DLGAP2: variants seen among roughly 807,000 people sequenced by gnomAD.
DLGAP2 encodes disks large-associated protein 2.
A neutral mutation model predicts 100.3 loss-of-function variants in DLGAP2; 26 were observed. The observed-to-expected ratio is 0.26, with a 90% confidence interval of 0.19 to 0.36. DLGAP2 has a LOEUF of 0.36. Among genes scored for constraint, DLGAP2 ranks in the 10% least tolerant of loss-of-function variants. DLGAP2 has a pLI of 1.00. For synonymous variants in DLGAP2, 886 were observed against 630.1 expected, an observed-to-expected ratio of 1.41 and a Z score of -6.08; for missense variants, 1,858 against 1,453.2, an observed-to-expected ratio of 1.28 and a Z score of -4.53.
chr8:889,022 G>C (rs575207220), intron 1 of DLGAP2, among the ~76,000 whole-genome samples: 2 of 152,264 alleles, frequency 1.3e-5, no homozygotes, highest in African/African-American at 4.8e-5. Flanking sequence ...GGATTTGGGT[G>C]GATAAAGGAA....
chr8:1,290,307 T>C (rs1563063880), intron 3 of DLGAP2, among the ~76,000 whole-genome samples: 1 of 152,026 alleles, frequency 6.6e-6, no homozygotes, highest in Non-Finnish European at 1.5e-5. Flanking sequence ...TTCCATCGAG[T>C]TGTCATTTAC....
At chr8:1,339,719 C>G (rs773455280) in intron 3 of DLGAP2, among the ~76,000 whole-genome samples, 1 of 152,188 alleles carries the variant, frequency 6.6e-6, no homozygotes. Flanking sequence ...AAGTCTCACC[C>G]GGGCGCATCA....
chr8:1,110,810 T>G (rs1022990763), intron 2 of DLGAP2, among the ~76,000 whole-genome samples: 6 of 151,500 alleles, frequency 4.0e-5, no homozygotes, highest in South Asian at 2.1e-4. Flanking sequence ...GCTTTCTATA[T>G]TCACCCTGCA....
intron 6 of DLGAP2, among the ~76,000 whole-genome samples, chr8:1,590,944 A>G (rs945172486): frequency 7.9e-5 from 12 of 152,216 alleles, no homozygotes; most frequent in African/African-American, 2.4e-4. Context: ...GCCATCTTCA[A>G]TGGTGTTGGA....
At chr8:948,778 C>T (rs1260060528) in intron 2 of DLGAP2, among the ~76,000 whole-genome samples, 1 of 152,268 alleles carries the variant, frequency 6.6e-6, no homozygotes, top group Non-Finnish European at 1.5e-5. Context: ...GGGAGCCAGC[C>T]TTGTCAGACA....
chr8:1,294,990 G>A lies in DLGAP2; in HGVS notation c.106+36107G>A, dbSNP rs886675567. Among the ~76,000 whole-genome samples, 33 of 152,004 alleles carry A rather than the reference G, an allele frequency of 2.2e-4. 1 individual carries two copies. The highest frequency in any genetic ancestry group is 5.9e-5 in the Non-Finnish European group (4 of 67,984). ...TACAAGATATTTAAACTTCACTTGA[G>A]GAAAAAAGGAGCCATATAATCATTG... On this transcript the variant is annotated intron_variant, in intron 3 of 14. Transcript: ENST00000637795.
chr8:1,205,628 C>G (rs908398972), intron 2 of DLGAP2, among the ~76,000 whole-genome samples: 8 of 152,174 alleles, frequency 5.3e-5, no homozygotes, highest in Non-Finnish European at 1.2e-4. Context: ...GTGAACCAGC[C>G]TCTGCTCAGC....
At chr8:1,589,994 T>C (rs1796242889) in intron 6 of DLGAP2, among the ~76,000 whole-genome samples, 1 of 152,132 alleles carries the variant, frequency 6.6e-6, no homozygotes, top group Admixed American at 6.5e-5. Flanking sequence ...GCCAGAAGTC[T>C]GAAATCAAGG....
intron 3 of DLGAP2, among the ~76,000 whole-genome samples, chr8:1,477,398 C>T (rs1429569387): frequency 6.6e-6 from 1 of 152,300 alleles, no homozygotes; most frequent in South Asian, 2.1e-4. Flanking sequence ...CTGAAACCAG[C>T]CTCTCTCCCC....
intron 3 of DLGAP2, among the ~76,000 whole-genome samples, chr8:1,381,681 T>G (rs922682014): frequency 1.1e-4 from 16 of 152,166 alleles, no homozygotes; most frequent in Non-Finnish European, 2.9e-5. Flanking sequence ...GTGTTTGCCT[T>G]TCTGTGCCTG....
chr8:1,571,615 G>C (rs1329376497), intron 6 of DLGAP2, among the ~76,000 whole-genome samples: 2 of 137,556 alleles, frequency 1.5e-5, no homozygotes, highest in African/African-American at 5.5e-5. Flanking sequence ...CTGGGACGGA[G>C]AGGAGAGAGG....
chr8:1,243,901 C>G (rs1023177172), intron 2 of DLGAP2, among the ~76,000 whole-genome samples: 1 of 152,222 alleles, frequency 6.6e-6, no homozygotes, highest in Non-Finnish European at 1.5e-5. Flanking sequence ...AGCATCTGTT[C>G]TCTTATTAAA....
chr8:859,410 C>G (rs1585941702), intron 1 of DLGAP2, among the ~76,000 whole-genome samples: 1 of 152,148 alleles, frequency 6.6e-6, no homozygotes, highest in East Asian at 1.9e-4. Context: ...GCACACCTGG[C>G]CCTGTCTTAG....
chr8:1,510,929 T>G (rs1800139658), intron 4 of DLGAP2, among the ~76,000 whole-genome samples: 1 of 152,226 alleles, frequency 6.6e-6, no homozygotes, highest in Non-Finnish European at 1.5e-5. Context: ...GCACATAAGA[T>G]AATTTGCTCA....
intron 1 of DLGAP2, among the ~76,000 whole-genome samples, chr8:756,879 C>T (rs1322805805): frequency 6.6e-6 from 1 of 152,190 alleles, no homozygotes. Flanking sequence ...TTTATCATGT[C>T]ACTTCTCTGC....
chr8:908,845 G>C (rs1584881686), intron 2 of DLGAP2, among the ~76,000 whole-genome samples: 1 of 152,212 alleles, frequency 6.6e-6, no homozygotes, highest in East Asian at 1.9e-4. Flanking sequence ...GTATGAAACA[G>C]AGGTTTGCTG....
intron 1 of DLGAP2, among the ~76,000 whole-genome samples, chr8:765,839 C>A (rs375747262): frequency 1.6e-4 from 24 of 152,228 alleles, no homozygotes; most frequent in African/African-American, 5.5e-4. Flanking sequence ...AAACACACCC[C>A]CACACACATG....
chr8:1,218,768 A>G (rs1268254849), intron 2 of DLGAP2, among the ~76,000 whole-genome samples: 2 of 152,094 alleles, frequency 1.3e-5, no homozygotes, highest in Non-Finnish European at 2.9e-5. Flanking sequence ...TGAGCTTGGA[A>G]TGTTTTTCCA....
At chr8:1,209,308 A>C (rs1207134134) in intron 2 of DLGAP2, among the ~76,000 whole-genome samples, 2 of 152,236 alleles carry the variant, frequency 1.3e-5, no homozygotes, top group Non-Finnish European at 2.9e-5. Flanking sequence ...ATAGGCATGT[A>C]GAGCAATGGA....
Sources: allele counts gnomAD v4.1 joint callset (sites outside exome capture counted in the v4.1 genomes callset), GRCh38; gene constraint gnomAD v4.1.1; transcripts MANE v1.5; gene names NCBI Gene and HGNC (gene_info 2026-07-23, HGNC 2026-07-21).